PHEX: variants seen among roughly 807,000 people sequenced by gnomAD.
The protein encoded by PHEX is phosphate regulating endopeptidase X-linked.
A neutral mutation model predicts 68.0 loss-of-function variants in PHEX; 16 were observed. That is an observed-to-expected ratio of 0.24 (90% CI 0.16 to 0.36). The LOEUF (loss-of-function observed/expected upper bound fraction) is 0.36. PHEX is among the 10% of genes least tolerant of loss of function. The pLI, the probability that PHEX is intolerant of heterozygous loss-of-function variation, is 1.00. For missense variants in PHEX, 480 were observed against 575.5 expected, an observed-to-expected ratio of 0.83 and a Z score of 1.70; for synonymous variants, 208 against 205.1, an observed-to-expected ratio of 1.01 and a Z score of -0.12.
chrX:22,198,278 A>C (rs1934437605), intron 15 of PHEX, among the ~76,000 whole-genome samples: 2 of 69,083 alleles, frequency 2.9e-5, no homozygotes, highest in South Asian at 8.8e-4. Context: ...ATATATATAT[A>C]AAATGCTTGG....
intron 2 of PHEX, among the ~76,000 whole-genome samples, chrX:22,046,663 G>A (rs751787484): frequency 9.4e-6 from 1 of 106,276 alleles, no homozygotes; most frequent in South Asian, 4.3e-4. Context: ...TGCCTCCTAG[G>A]TTTAAGTAAT....
At chrX:22,049,178 G>A (rs917667203) in intron 3 of PHEX, among the ~76,000 whole-genome samples, 1 of 110,833 alleles carries the variant, frequency 9.0e-6, no homozygotes, top group African/African-American at 3.3e-5. Flanking sequence ...GCACGATCTC[G>A]GCTCACTGCA....
intron 20 of PHEX, among the ~76,000 whole-genome samples, chrX:22,237,835 C>A (rs1325354388): frequency 8.9e-6 from 1 of 112,527 alleles, no homozygotes; most frequent in East Asian, 2.8e-4. Flanking sequence ...TAGTTCAATT[C>A]ACACTTGAAG....
chrX:22,132,913 G>T (rs1473938785), intron 11 of PHEX, among the ~76,000 whole-genome samples: 2 of 109,711 alleles, frequency 1.8e-5, no homozygotes, highest in African/African-American at 6.7e-5. Flanking sequence ...TGGAGACAGG[G>T]TCTTGCTTTG....
At chrX:22,080,827 C>T (rs111937598) in intron 5 of PHEX, among the ~76,000 whole-genome samples, 2,074 of 111,630 alleles carry the variant, frequency 0.019, 26 homozygotes, top group Non-Finnish European at 0.03. Context: ...TACTTCACCT[C>T]GCTGATTTCA....
rs776019107 is a variant in PHEX at position 22,090,409 on chromosome X, TTC to T, written c.664-18_664-17del. 8.4e-7 allele frequency: 1 copy of T among 1,183,559 alleles called. No individual in the cohort carries two copies. Among genetic ancestry groups the T allele is most frequent in the Admixed American group, 2.2e-5 (1 of 45,991 alleles). On this transcript the variant is annotated intron_variant, in intron 5 of 21. Coordinates refer to ENST00000379374, the MANE Select transcript of PHEX (RefSeq NM_000444.6). ...GAATTTACAGTGCTAGCAGAATGCTTTCTGTTTTTGTTTTTACAGCTGGACCA... is the reference window on the plus strand; with the variant it reads ...GAATTTACAGTGCTAGCAGAATGCTTTGTTTTTGTTTTTACAGCTGGACCA...
chrX:22,205,335 C>T (rs1323555183), intron 15 of PHEX, among the ~76,000 whole-genome samples: 1 of 111,687 alleles, frequency 9.0e-6, no homozygotes, highest in Non-Finnish European at 1.9e-5. Flanking sequence ...CCTAAATGAA[C>T]AAATTCAATG....
intron 15 of PHEX, among the ~76,000 whole-genome samples, chrX:22,209,940 TAA>T (rs200608326): frequency 2.1e-4 from 19 of 91,197 alleles, no homozygotes; most frequent in African/African-American, 7.9e-4. Flanking sequence ...GTTGAAATGG[TAA>T]AAAAAAAAAA....
chrX:22,153,615 A>G, intron 12 of PHEX, among the ~76,000 whole-genome samples: 1 of 110,867 alleles, frequency 9.0e-6, no homozygotes, highest in African/African-American at 3.3e-5. Flanking sequence ...TTGTCCTTTT[A>G]TCAATTCTAC....
At chrX:22,195,674 G>T (rs1390697990) in intron 15 of PHEX, among the ~76,000 whole-genome samples, 1 of 111,237 alleles carries the variant, frequency 9.0e-6, no homozygotes, top group Non-Finnish European at 1.9e-5. Flanking sequence ...CTGAGTAAAA[G>T]AAGCCAGGTG....
intron 8 of PHEX, among the ~76,000 whole-genome samples, chrX:22,098,523 A>T (rs900135600): frequency 3.7e-5 from 4 of 107,787 alleles, no homozygotes; most frequent in African/African-American, 1.4e-4. Context: ...ATGGTGGCTC[A>T]TACCTGTAAT....
At chrX:22,109,312 C>G (rs1408185891) in intron 9 of PHEX, among the ~76,000 whole-genome samples, 1 of 112,194 alleles carries the variant, frequency 8.9e-6, no homozygotes, top group African/African-American at 3.2e-5. Flanking sequence ...TAACCAAATC[C>G]TATATGGACA....
At chrX:22,139,197 A>G (rs1602329909) in intron 12 of PHEX, among the ~76,000 whole-genome samples, 1 of 111,505 alleles carries the variant, frequency 9.0e-6, no homozygotes, top group African/African-American at 3.3e-5. Flanking sequence ...CACTGTGCCT[A>G]AAGTACTTAT....
At chrX:22,096,819 TC>T (rs773591409) in intron 7 of PHEX, 135 bp from the exon 8 acceptor site, 106 of 511,381 alleles carry the variant, frequency 2.1e-4, no homozygotes, top group African/African-American at 2.0e-3. Flanking sequence ...TTTTTTCTCT[TC>T]CCCGAGTTGG....
chrX:22,179,269 G>A (rs1218210638), intron 14 of PHEX, among the ~76,000 whole-genome samples: 1 of 110,054 alleles, frequency 9.1e-6, no homozygotes, highest in Non-Finnish European at 1.9e-5. Flanking sequence ...CTATTGGTCT[G>A]GATTTCAACT....
chrX:22,047,471 A>G (rs1219683527), intron 3 of PHEX, among the ~76,000 whole-genome samples: 1 of 112,351 alleles, frequency 8.9e-6, no homozygotes, highest in Non-Finnish European at 1.9e-5. Context: ...AGAGCATTTG[A>G]TTGAGATTGG....
intron 1 of PHEX, 41 bp downstream of exon 1, chrX:22,033,164 C>G (rs778229143): frequency 4.8e-5 from 47 of 972,144 alleles, no homozygotes; most frequent in Admixed American, 4.6e-4. Context: ...GGGTGTGTGT[C>G]GAGAAGTTTC....
intron 1 of PHEX, among the ~76,000 whole-genome samples, chrX:22,035,548 A>T (rs1926967520): frequency 8.9e-6 from 1 of 112,706 alleles, no homozygotes; most frequent in Non-Finnish European, 1.9e-5. Context: ...TTCATATGTC[A>T]TGAAATATTA....
chrX:22,045,617 A>G (rs1394494146), intron 2 of PHEX, among the ~76,000 whole-genome samples: 1 of 112,691 alleles, frequency 8.9e-6, no homozygotes, highest in Non-Finnish European at 1.9e-5. Flanking sequence ...GAGGAAAAAA[A>G]TGGTAGATCA....
Sources: gnomAD v4.1 joint callset for allele counts (sites outside exome capture counted in the v4.1 genomes callset) on GRCh38, gnomAD v4.1.1 for gene constraint, MANE v1.5 for transcripts, NCBI Gene and HGNC (gene_info 2026-07-23, HGNC 2026-07-21) for gene names.